Variants in MROH9 observed in about 807,000 individuals in gnomAD.
The protein encoded by MROH9 is maestro heat like repeat family member 9, also known as maestro heat-like repeat-containing protein family member 9.
MROH9 carries 92 observed loss-of-function variants against 98.2 expected under a neutral mutation model. That is an observed-to-expected ratio of 0.94 (90% CI 0.79 to 1.11). The LOEUF is 1.11. MROH9 is among the 50% of genes most tolerant of loss of function. MROH9 has a pLI of 0.00. For missense variants in MROH9, 1,057 were observed against 1,014.8 expected, an observed-to-expected ratio of 1.04 and a Z score of -0.57; for synonymous variants, 397 against 368.9, an observed-to-expected ratio of 1.08 and a Z score of -0.87.
chr1:170,950,240 T>C (rs1649496755), intron 3 of MROH9, among the ~76,000 whole-genome samples: 1 of 152,044 alleles, frequency 6.6e-6, no homozygotes, highest in Non-Finnish European at 1.5e-5. Context: ...AGGAAGACTT[T>C]TGAACAAACA....
intron 17 of MROH9, among the ~76,000 whole-genome samples, chr1:171,016,548 A>G (rs955741013): frequency 6.6e-6 from 1 of 152,122 alleles, no homozygotes; most frequent in South Asian, 2.1e-4. Flanking sequence ...TAATCAAGGA[A>G]TAGCCTCTAT....
At chr1:170,981,917 G>A (rs1446759230) in intron 8 of MROH9, among the ~76,000 whole-genome samples, 4 of 152,114 alleles carry the variant, frequency 2.6e-5, no homozygotes, top group South Asian at 2.1e-4. Context: ...TCATTAGAAT[G>A]TCTAAAATTA....
intron 8 of MROH9, among the ~76,000 whole-genome samples, chr1:170,982,736 A>G (rs1452051230): frequency 6.6e-6 from 1 of 152,044 alleles, no homozygotes; most frequent in Non-Finnish European, 1.5e-5. Context: ...CGAAATATGT[A>G]TATTTTTAAT....
chr1:170,974,538 G>T (rs942939497), intron 8 of MROH9, among the ~76,000 whole-genome samples: 6 of 151,880 alleles, frequency 4.0e-5, no homozygotes, highest in Non-Finnish European at 8.8e-5. Context: ...GAAAAAAAAA[G>T]TCAATCTAGA....
chr1:170,973,946 T>C (rs1387462175), intron 8 of MROH9, among the ~76,000 whole-genome samples: 1 of 152,130 alleles, frequency 6.6e-6, no homozygotes. Context: ...AATTAGAAGA[T>C]AAAAACATCT....
chr1:171,023,575 T>A (rs61816864), intron 17 of MROH9, among the ~76,000 whole-genome samples: 13,957 of 152,252 alleles, frequency 0.092, 766 homozygotes, highest in Middle Eastern at 0.17. Flanking sequence ...TGAATTATGG[T>A]AAGTAAATTG....
chr1:171,058,928 G>A (rs766037498), intron 20 of MROH9, among the ~76,000 whole-genome samples: 25 of 152,346 alleles, frequency 1.6e-4, no homozygotes, highest in Admixed American at 1.0e-3. Flanking sequence ...CAGGGCATAT[G>A]CATGGGCAAA....
rs972458363 is a variant in MROH9 at position 171,025,295 on chromosome 1, C to T, written c.2179-23C>T. 4.9e-6 allele frequency: 7 copies of T among 1,433,958 alleles called. No homozygotes were observed. In the African/African-American group the frequency reaches 8.5e-5, roughly 17 times the overall value. 88.8% of individuals were successfully genotyped at this position (1,433,958 alleles called of 1,614,324 possible). ...TCTATTTCAGCAATCGAGTGAGGTG[C>T]TTTTTTCCCTTTTTATTCTCAGATT... On this transcript the variant is annotated intron_variant, in intron 19 of 21. Coordinates refer to ENST00000367759, the MANE Select transcript of MROH9 (RefSeq NM_001163629.2).
chr1:171,015,538 C>T (rs560642576), intron 16 of MROH9, among the ~76,000 whole-genome samples: 1 of 151,970 alleles, frequency 6.6e-6, no homozygotes, highest in Non-Finnish European at 1.5e-5. Context: ...TTCTCCTTGC[C>T]TTTCTTTCTC....
At chr1:170,951,169 C>G (rs1649539793) in intron 3 of MROH9, among the ~76,000 whole-genome samples, 1 of 151,852 alleles carries the variant, frequency 6.6e-6, no homozygotes, top group Admixed American at 6.6e-5. Context: ...ACAATTATTG[C>G]CAATAGTGTG....
At chr1:170,994,349 T>C (rs115503851) in intron 12 of MROH9, among the ~76,000 whole-genome samples, 1,653 of 152,294 alleles carry the variant, frequency 0.011, 13 homozygotes, top group Middle Eastern at 0.034. Context: ...TATACCTAAG[T>C]GTTTTATGTT....
intron 20 of MROH9, among the ~76,000 whole-genome samples, chr1:171,046,852 G>A (rs961202755): frequency 6.6e-6 from 1 of 152,100 alleles, no homozygotes; most frequent in Non-Finnish European, 1.5e-5. Context: ...AGACAGGTCT[G>A]GTATTGATGA....
intron 10 of MROH9, among the ~76,000 whole-genome samples, chr1:170,987,837 G>A (rs1347340549): frequency 6.6e-6 from 1 of 152,206 alleles, no homozygotes; most frequent in Non-Finnish European, 1.5e-5. Context: ...AGTAAGGAAA[G>A]CCTGAAAGGA....
chr1:170,992,678 T>A (rs1651403905), intron 12 of MROH9, among the ~76,000 whole-genome samples: 1 of 152,156 alleles, frequency 6.6e-6, no homozygotes, highest in Non-Finnish European at 1.5e-5. Flanking sequence ...GAGACCTGAA[T>A]CAGGTGAGGA....
intron 7 of MROH9, among the ~76,000 whole-genome samples, chr1:170,966,839 G>T (rs775133180): frequency 1.3e-5 from 2 of 152,028 alleles, no homozygotes; most frequent in Non-Finnish European, 2.9e-5. Context: ...TGAAAATTTT[G>T]CAAGTGAGGC....
chr1:170,985,795 A>T (rs1571477373), intron 9 of MROH9, among the ~76,000 whole-genome samples: 1 of 145,876 alleles, frequency 6.9e-6, no homozygotes, highest in African/African-American at 2.6e-5. Context: ...CCCTTCCATC[A>T]CCCCTCTGCC....
chr1:170,943,603 C>G (rs1649204713), intron 1 of MROH9, among the ~76,000 whole-genome samples: 1 of 151,458 alleles, frequency 6.6e-6, no homozygotes. Flanking sequence ...ACAAGGAATC[C>G]TTTGGAAATC....
chr1:171,012,506 T>G (rs912440814), intron 15 of MROH9, among the ~76,000 whole-genome samples: 1 of 148,132 alleles, frequency 6.8e-6, no homozygotes, highest in African/African-American at 2.5e-5. Flanking sequence ...GTCATTTTTT[T>G]TTTTTTTTTT....
chr1:170,943,821 C>A (rs147840037), intron 1 of MROH9, among the ~76,000 whole-genome samples: 97 of 152,004 alleles, frequency 6.4e-4, no homozygotes, highest in African/African-American at 2.1e-3. Context: ...GAATGTGATT[C>A]TCATGAGATT....
Sources: allele counts gnomAD v4.1 joint callset (sites outside exome capture counted in the v4.1 genomes callset), GRCh38; gene constraint gnomAD v4.1.1; transcripts MANE v1.5; gene names NCBI Gene and HGNC (gene_info 2026-07-23, HGNC 2026-07-21).